Variants in FOXP2 observed in about 807,000 individuals in gnomAD.
The protein encoded by FOXP2 is forkhead box protein P2.
A neutral mutation model predicts 115.8 loss-of-function variants in FOXP2; 12 were observed. The ratio of observed to expected loss-of-function variants is 0.10; its 90% confidence interval spans 0.07 to 0.17. FOXP2 has a LOEUF of 0.17. Among genes scored for constraint, FOXP2 ranks in the 10% least tolerant of loss-of-function variants. FOXP2 has a pLI of 1.00. For missense variants in FOXP2, 629 were observed against 843.5 expected (o/e 0.75, Z 3.15); for synonymous variants, 328 against 297.7 (o/e 1.10, Z -1.05).
At chr7:114,154,959 A>G (rs1792624520) in intron 1 of FOXP2, among the ~76,000 whole-genome samples, 2 of 152,090 alleles carry the variant, frequency 1.3e-5, no homozygotes. Flanking sequence ...CTGACAATCT[A>G]CGTTATGTCA....
intron 2 of FOXP2, among the ~76,000 whole-genome samples, chr7:114,447,891 G>A (rs776165573): frequency 1.6e-4 from 24 of 152,100 alleles, no homozygotes; most frequent in Non-Finnish European, 3.1e-4. Flanking sequence ...TTTGTTGAAT[G>A]CAAATGAATG....
chr7:114,555,006 C>T (rs753424835), intron 3 of FOXP2, among the ~76,000 whole-genome samples: 1 of 152,110 alleles, frequency 6.6e-6, no homozygotes, highest in Non-Finnish European at 1.5e-5. Flanking sequence ...TATCTACATG[C>T]GTGACTAGGG....
At chr7:114,602,003 A>G (rs1422736956) in intron 3 of FOXP2, among the ~76,000 whole-genome samples, 2 of 152,086 alleles carry the variant, frequency 1.3e-5, no homozygotes, top group Non-Finnish European at 2.9e-5. Flanking sequence ...CAATTAGATC[A>G]TGTATTAATT....
chr7:114,491,946 C>CCCTCTTT, intron 2 of FOXP2, among the ~76,000 whole-genome samples: 1 of 152,206 alleles, frequency 6.6e-6, no homozygotes, highest in Middle Eastern at 3.4e-3. Context: ...AGGGAGGATT[C>CCCTCTTT]CCTCTTTTTC....
intron 1 of FOXP2, among the ~76,000 whole-genome samples, chr7:114,120,259 GC>G (rs1329557336): frequency 6.6e-6 from 1 of 152,074 alleles, no homozygotes; most frequent in East Asian, 1.9e-4. Context: ...AATCAGTGTG[GC>G]TCACATACCA....
Position 114,691,846 on chromosome 7 carries a change from A to G in FOXP2, c.*1920A>G. On this transcript the variant is annotated 3_prime_UTR_variant, in exon 17 of 17. Coordinates refer to ENST00000350908, the MANE Select transcript of FOXP2 (RefSeq NM_014491.4). Reference sequence around the variant, plus strand: ...GAGTTAGAGAGATACCCAGTCATCTATCACACCAAATAAAAGGACATAACG... The same window carrying G: ...GAGTTAGAGAGATACCCAGTCATCTGTCACACCAAATAAAAGGACATAACG... 2.2e-6 allele frequency: 1 copy of G among 453,266 alleles called. No individual in the cohort carries two copies. The highest frequency in any genetic ancestry group is 4.4e-6 in the Non-Finnish European group (1 of 226,464). 28.1% of individuals were successfully genotyped at this position (453,266 alleles called of 1,614,324 possible).
intron 5 of FOXP2, chr7:114,631,118 A>AG (rs1252225057): frequency 8.4e-6 from 2 of 236,848 alleles, no homozygotes; most frequent in Admixed American, 1.0e-4. Context: ...AGATCACCAG[A>AG]GACCACATTC....
chr7:114,561,090 A>G (rs1408750148), intron 3 of FOXP2: 1 of 152,198 alleles, frequency 6.6e-6, no homozygotes, highest in African/African-American at 2.4e-5. Flanking sequence ...GGGAGAGGGA[A>G]TTTAATTGGC....
intron 2 of FOXP2, among the ~76,000 whole-genome samples, chr7:114,492,358 AC>A (rs1797104163): frequency 6.6e-6 from 1 of 151,934 alleles, no homozygotes; most frequent in African/African-American, 2.4e-5. Context: ...TTTTCAAAAA[AC>A]CAGCTCCTGG....
chr7:114,534,728 T>G, intron 3 of FOXP2, 22 bp downstream of exon 3: 4 of 1,581,578 alleles, frequency 2.5e-6, no homozygotes, highest in Non-Finnish European at 2.6e-6. Context: ...ACTCCTGTCC[T>G]TGGGGTCTTA....
At chr7:114,506,852 G>T (rs903800416) in intron 2 of FOXP2, among the ~76,000 whole-genome samples, 20 of 151,752 alleles carry the variant, frequency 1.3e-4, no homozygotes, top group African/African-American at 4.8e-4. Context: ...AACATTGAAT[G>T]TAAGAAAAGC....
At chr7:114,226,429 C>T (rs1794751434) in intron 1 of FOXP2, among the ~76,000 whole-genome samples, 1 of 152,160 alleles carries the variant, frequency 6.6e-6, no homozygotes, top group Admixed American at 6.6e-5. Flanking sequence ...TCATGTGAAA[C>T]TTGAAACTCT....
Position 114,491,331 on chromosome 7 carries a change from TCA to T in FOXP2, c.169-43284_169-43283del, listed in dbSNP as rs1797042077. Among the ~76,000 whole-genome samples the T allele has an allele frequency of 3.9e-5, 6 of 152,380 alleles. No homozygotes were observed. The South Asian group carries it at 1.2e-3, about 32-fold the overall frequency. On this transcript the variant is annotated intron_variant, in intron 2 of 16. Coordinates refer to ENST00000350908, the MANE Select transcript of FOXP2 (RefSeq NM_014491.4). ...TTGGAGAAGTGTCTGTTCATGTCCTTCACCCACTTTTCGATGGGGTTGTTTGT... is the reference window on the plus strand; with the variant it reads ...TTGGAGAAGTGTCTGTTCATGTCCTTCCCACTTTTCGATGGGGTTGTTTGT...
chr7:114,163,595 T>C (rs1792896069), intron 1 of FOXP2, among the ~76,000 whole-genome samples: 1 of 152,198 alleles, frequency 6.6e-6, no homozygotes, highest in South Asian at 2.1e-4. Context: ...CACAAATATA[T>C]CAATTTTGTC....
chr7:114,620,718 G>A (rs796753437), intron 3 of FOXP2, among the ~76,000 whole-genome samples: 17 of 152,066 alleles, frequency 1.1e-4, no homozygotes, highest in African/African-American at 4.1e-4. Flanking sequence ...AATAGAGGTA[G>A]AAGATATAAA....
rs115252917 is a variant in FOXP2, at chr7:114,259,699, T to C, written c.-101-28320T>C. On this transcript the variant is annotated intron_variant, in intron 1 of 17. Transcript: ENST00000634411. ...GGAAATATGACATTGCGAAAAAAGA[T>C]AAATCTTAATATACAAAACTGTAAA... Among the ~76,000 whole-genome samples, 203 of 152,308 alleles carry C rather than the reference T, an allele frequency of 1.3e-3. 2 individuals are homozygous for C. Among genetic ancestry groups the C allele is most frequent in the African/African-American group, 4.7e-3 (194 of 41,568 alleles).
intron 1 of FOXP2, among the ~76,000 whole-genome samples, chr7:114,090,494 A>G (rs890766944): frequency 1.3e-5 from 2 of 151,874 alleles, no homozygotes; most frequent in African/African-American, 2.4e-5. Flanking sequence ...ACTGATTTCA[A>G]AAACAACTTT....
chr7:114,450,275 G>A (rs1795014496), intron 2 of FOXP2, among the ~76,000 whole-genome samples: 1 of 152,056 alleles, frequency 6.6e-6, no homozygotes, highest in Non-Finnish European at 1.5e-5. Flanking sequence ...GAAGGTATAA[G>A]ATGCCTGATG....
At chr7:114,492,954 T>G (rs1051146943) in intron 2 of FOXP2, among the ~76,000 whole-genome samples, 5 of 152,154 alleles carry the variant, frequency 3.3e-5, no homozygotes, top group Non-Finnish European at 7.3e-5. Context: ...TGAGTTCAAT[T>G]CCTGGATATC....
Sources: gnomAD v4.1 joint callset for allele counts (sites outside exome capture counted in the v4.1 genomes callset) on GRCh38, gnomAD v4.1.1 for gene constraint, MANE v1.5 for transcripts, NCBI Gene and HGNC (gene_info 2026-07-23, HGNC 2026-07-21) for gene names.